Variants in TMOD1 observed in about 807,000 individuals in gnomAD.
TMOD1 encodes tropomodulin-1.
TMOD1 carries 17 observed loss-of-function variants against 40.6 expected under a neutral mutation model. That is an observed-to-expected ratio of 0.42 (90% confidence interval 0.29 to 0.63). The LOEUF is 0.63. Ranked by LOEUF, TMOD1 falls within the 20% of genes least tolerant of loss-of-function variation. TMOD1 has a pLI of 0.22. For missense variants in TMOD1, 391 were observed against 447.6 expected (o/e 0.87, Z 1.14); for synonymous variants, 181 against 175.0 (o/e 1.03, Z -0.27).
At chr9:97,504,769 G>C (rs905251874) in intron 1 of TMOD1, among the ~76,000 whole-genome samples, 1 of 152,126 alleles carries the variant, frequency 6.6e-6, no homozygotes. Flanking sequence ...ATCATCTATC[G>C]ATGACTCCTG....
intron 1 of TMOD1, among the ~76,000 whole-genome samples, chr9:97,510,732 G>A (rs1299662159): frequency 2.0e-5 from 3 of 152,184 alleles, no homozygotes; most frequent in Non-Finnish European, 4.4e-5. Context: ...AGGGGTGCCT[G>A]AAGATAATGC....
intron 8 of TMOD1, among the ~76,000 whole-genome samples, chr9:97,584,826 C>T (rs1430136245): frequency 6.6e-6 from 1 of 152,142 alleles, no homozygotes; most frequent in Non-Finnish European, 1.5e-5. Context: ...ATTGCAACAA[C>T]CCCTGCCTTT....
intron 7 of TMOD1, 40 bp from the exon 8 acceptor site, chr9:97,568,854 G>T (rs1179480109): frequency 1.2e-6 from 2 of 1,608,484 alleles, no homozygotes; most frequent in East Asian, 2.2e-5. Context: ...CCTTGCTCGG[G>T]GTGACTCATG....
intron 8 of TMOD1, among the ~76,000 whole-genome samples, chr9:97,585,937 GC>G (rs1825862501): frequency 1.4e-5 from 2 of 143,946 alleles, no homozygotes; most frequent in South Asian, 4.3e-4. Context: ...CAACTTCTTT[GC>G]CTTTGGTCTG....
intron 9 of TMOD1, 47 bp from the exon 10 acceptor site, chr9:97,599,586 TG>T (rs761609747): frequency 2.7e-5 from 44 of 1,613,000 alleles, no homozygotes; most frequent in Non-Finnish European, 3.7e-5. Context: ...TGCTGGCCCC[TG>T]GTCTACAGGG....
Position 97,600,736 on chromosome 9 carries a change from A to G in TMOD1, c.*1038A>G. 7 of 1,007,324 alleles carry G rather than the reference A, an allele frequency of 6.9e-6. No homozygotes were observed. Among genetic ancestry groups the G allele is most frequent in the Non-Finnish European group, 8.3e-6 (7 of 843,112 alleles). The allele number at this position is 1,007,324 out of a possible 1,614,324, so 62.4% of individuals were successfully genotyped here. A position where few individuals can be genotyped will look rare whatever the true frequency, so the allele number is the denominator to read the frequency against. ...CAATGGTGAAGAAACTCCAGATATC[A>G]AGGAATTGGGAAATCCTGGCCAAAC... is the stretch of plus-strand genomic sequence containing the variant. On this transcript the variant is annotated 3_prime_UTR_variant, in exon 10 of 10. Coordinates refer to ENST00000259365, the MANE Select transcript of TMOD1 (RefSeq NM_003275.4).
intron 9 of TMOD1, among the ~76,000 whole-genome samples, chr9:97,595,594 C>T (rs573813249): frequency 4.6e-5 from 7 of 151,252 alleles, no homozygotes; most frequent in African/African-American, 1.2e-4. Flanking sequence ...CATATATCCC[C>T]CAGTTTCTTT....
chr9:97,552,323 G>A (rs928989506), intron 3 of TMOD1, among the ~76,000 whole-genome samples: 16 of 57,978 alleles, frequency 2.8e-4, no homozygotes, highest in African/African-American at 5.7e-4. Flanking sequence ...TCAGTGAGGC[G>A]TCCTCTGACT....
At chr9:97,530,215 AAC>A in intron 2 of TMOD1, among the ~76,000 whole-genome samples, 1 of 152,362 alleles carries the variant, frequency 6.6e-6, no homozygotes, top group Non-Finnish European at 1.5e-5. Flanking sequence ...AGAATCCACC[AAC>A]ACAAGGAATT....
chr9:97,573,181 C>A lies in TMOD1; in HGVS notation c.870+4144C>A, dbSNP rs1169130342. Reference sequence around the variant, plus strand: ...CCAGGCCAAGCAGGCCATCTCCACACACGGCTTCTGTGCTGCTCTCACCAA... The same window carrying A: ...CCAGGCCAAGCAGGCCATCTCCACAAACGGCTTCTGTGCTGCTCTCACCAA... On this transcript the variant is annotated intron_variant, in intron 8 of 9. Coordinates refer to ENST00000259365, the MANE Select transcript of TMOD1 (RefSeq NM_003275.4). 4.6e-5 allele frequency among the ~76,000 whole-genome samples: 7 copies of A among 152,354 alleles called. No individual in the cohort carries two copies. The East Asian group carries it at 1.4e-3, about 29-fold the overall frequency.
intron 1 of TMOD1, among the ~76,000 whole-genome samples, chr9:97,510,385 C>G (rs1829676176): frequency 6.6e-6 from 1 of 152,134 alleles, no homozygotes; most frequent in Non-Finnish European, 1.5e-5. Context: ...TGCCCACCAC[C>G]ACGCCTGGCT....
chr9:97,513,269 T>C lies in TMOD1; in HGVS notation c.-48-10872T>C, dbSNP rs1829736879. The C allele has an allele frequency of 6.6e-6, 1 of 152,278 alleles. No homozygotes were observed. Among genetic ancestry groups the C allele is most frequent in the African/African-American group, 2.4e-5 (1 of 41,462 alleles). 9.4% of individuals were successfully genotyped at this position (152,278 alleles called of 1,614,324 possible). On this transcript the variant is annotated intron_variant, in intron 1 of 9. Transcript: ENST00000259365. This position sits in a 1 kb window ranked among gnomAD's most constrained non-coding sequence, Gnocchi z 4.1. ...TCGAGCTGTATCATCCCTTCTCTCA[T>C]GTCCCCTTTACAGTACCCCTTGGGA...
At position 97,514,398 on chromosome 9, in the gene TMOD1, G is replaced by GT. The variant is rs1829766263; in HGVS notation, c.-48-9742dup. 6.6e-5 allele frequency among the ~76,000 whole-genome samples: 10 copies of GT among 151,770 alleles called. No individual in the cohort carries two copies. In the South Asian group the frequency reaches 2.1e-3, roughly 32 times the overall value. On this transcript the variant is annotated intron_variant, in intron 1 of 9. Transcript: ENST00000259365. Reference sequence around the variant, plus strand: ...CTCCTAAAGTGTTGGGATTACAGGCGTGAACCACCGCACCTGGCCGAAATT... The same window carrying GT: ...CTCCTAAAGTGTTGGGATTACAGGCGTTGAACCACCGCACCTGGCCGAAATT...
chr9:97,529,945 A>G lies in TMOD1; in HGVS notation c.120+5637A>G, dbSNP rs1266835387. On this transcript the variant is annotated intron_variant, in intron 2 of 9. Coordinates refer to ENST00000259365, the MANE Select transcript of TMOD1 (RefSeq NM_003275.4). ...CTGGGAGGGTTCAGTCATTAGCCCC[A>G]TTTTAAAGATGGAGAAGCCGAGGCT... Among the ~76,000 whole-genome samples, 5 of 152,164 alleles carry G rather than the reference A, an allele frequency of 3.3e-5. No homozygotes were observed. The East Asian group carries it at 9.6e-4, about 29-fold the overall frequency.
rs1413522089 is a variant in TMOD1, at chr9:97,600,240, A to C, written c.*542A>C. 2.0e-6 allele frequency: 2 copies of C among 988,504 alleles called. No homozygotes were observed. Among genetic ancestry groups the C allele is most frequent in the East Asian group, 2.2e-4 (2 of 8,948 alleles). The allele number at this position is 988,504 out of a possible 1,614,324, so 61.2% of individuals were successfully genotyped here. A position where few individuals can be genotyped will look rare whatever the true frequency, so the allele number is the denominator to read the frequency against. On this transcript the variant is annotated 3_prime_UTR_variant, in exon 10 of 10. Coordinates refer to ENST00000259365, the MANE Select transcript of TMOD1 (RefSeq NM_003275.4). Reference sequence around the variant, plus strand: ...TCCAGAACACAATTTTCCCCTCAGAACAGATAGACAGACTGAAGCCACTGA... The same window carrying C: ...TCCAGAACACAATTTTCCCCTCAGACCAGATAGACAGACTGAAGCCACTGA...
Position 97,599,824 on chromosome 9 carries a change from A to G in TMOD1, c.*126A>G. On this transcript the variant is annotated 3_prime_UTR_variant, in exon 10 of 10. Transcript: ENST00000259365. Reference sequence around the variant, plus strand: ...CCTTTTGTGGTTCAGTTCTTTATGCACTAAGGTTTTAGGTTGACTAGTGGT... The same window carrying G: ...CCTTTTGTGGTTCAGTTCTTTATGCGCTAAGGTTTTAGGTTGACTAGTGGT... The G allele has an allele frequency of 6.5e-7, 1 of 1,540,538 alleles. No individual in the cohort carries two copies. Among genetic ancestry groups the G allele is most frequent in the Middle Eastern group, 2.4e-4 (1 of 4,212 alleles).
At chr9:97,512,201 G>C (rs1829715149) in intron 1 of TMOD1, among the ~76,000 whole-genome samples, 1 of 152,240 alleles carries the variant, frequency 6.6e-6, no homozygotes, top group Non-Finnish European at 1.5e-5. Flanking sequence ...TTAGTCGTCA[G>C]GGAAATGCAC....
At chr9:97,546,626 C>A (rs369692437) in intron 3 of TMOD1, among the ~76,000 whole-genome samples, 1 of 152,116 alleles carries the variant, frequency 6.6e-6, no homozygotes, top group Non-Finnish European at 1.5e-5. Flanking sequence ...TATTTTTTTA[C>A]GCAAACCTAA....
chr9:97,517,222 C>A (rs1224022015), intron 1 of TMOD1, among the ~76,000 whole-genome samples: 1 of 151,954 alleles, frequency 6.6e-6, no homozygotes, highest in South Asian at 2.1e-4. Flanking sequence ...TGGTGATGCA[C>A]CCCTGTAGTC....
Sources: gnomAD v4.1 joint callset for allele counts (sites outside exome capture counted in the v4.1 genomes callset) on GRCh38, gnomAD v4.1.1 for gene constraint, Gnocchi (gnomAD v3.1) non-coding constraint, MANE v1.5 for transcripts, NCBI Gene and HGNC (gene_info 2026-07-23, HGNC 2026-07-21) for gene names.